PPM1G: variants seen among roughly 807,000 people sequenced by gnomAD.
PPM1G encodes the protein protein phosphatase 1G.
Under a neutral mutation model 59.4 loss-of-function variants are expected in PPM1G, and 12 were observed. The ratio of observed to expected loss-of-function variants is 0.20; its 90% CI spans 0.13 to 0.33. The LOEUF is 0.33. Among genes scored for constraint, PPM1G ranks in the 10% least tolerant of loss-of-function variants. The pLI is 1.00. For missense variants in PPM1G, 392 were observed against 681.3 expected (o/e 0.58, Z 4.73); for synonymous variants, 245 against 251.9 (o/e 0.97, Z 0.26).
intron 1 of PPM1G, chr2:27,392,692 T>C (rs768587420): frequency 1.4e-4 from 111 of 780,520 alleles, no homozygotes; most frequent in Non-Finnish European, 2.2e-4. Context: ...TTGGAACAAC[T>C]TATAGAAAAG....
At chr2:27,387,709 C>CACA (rs926455661) in intron 1 of PPM1G, among the ~76,000 whole-genome samples, 2 of 152,180 alleles carry the variant, frequency 1.3e-5, no homozygotes, top group African/African-American at 4.8e-5. Context: ...CCATGTTGGT[C>CACA]AGGCTGGTCT....
rs892661056 is a variant in PPM1G, at chr2:27,382,787, T to C, written c.1202-182A>G. ...ACCCTGCCACCAGACTGCTGAACCT[T>C]AAGAAAGTCACTCACTGGTCTTTTT... On this transcript the variant is annotated intron_variant, in intron 7 of 9. Transcript: ENST00000344034. The surrounding 1 kb of genome is among the most constrained non-coding windows in gnomAD (Gnocchi z 4.2). 1.3e-5 allele frequency among the ~76,000 whole-genome samples: 2 copies of C among 152,020 alleles called. No homozygotes were observed. The highest frequency in any genetic ancestry group is 2.9e-5 in the Non-Finnish European group (2 of 67,998).
Position 27,384,569 on chromosome 2 carries a change from ATGATGTCAAAAT to A in PPM1G, c.825+92_825+103del. On this transcript the variant is annotated intron_variant, in intron 5 of 9. Coordinates refer to ENST00000344034, the MANE Select transcript of PPM1G (RefSeq NM_177983.3). The surrounding 1 kb of genome is among the most constrained non-coding windows in gnomAD (Gnocchi z 4.8). ...CTTAGAATACAGTGGGTCTTGGGGG[ATGATGTCAAAAT>A]AGGAGAAGGAAAGAGAGTTGAAAAC... The A allele has an allele frequency of 7.5e-7, 1 of 1,338,104 alleles. No homozygotes were observed. The allele number at this position is 1,338,104 out of a possible 1,614,324, so 82.9% of individuals were successfully genotyped here.
At position 27,383,631 on chromosome 2, in the gene PPM1G, G is replaced by A. The variant is rs1158452520; in HGVS notation, c.967-31C>T. On this transcript the variant is annotated intron_variant, in intron 6 of 9. Transcript: ENST00000344034. This position sits in a 1 kb window ranked among gnomAD's most constrained non-coding sequence, Gnocchi z 5.0. ...GAGGAAGAAAAGGAGCATCATGGGG[G>A]CTTCTGAACATGCGTTCCTCACTGA... 6 of 1,573,748 alleles carry A rather than the reference G, an allele frequency of 3.8e-6. No individual in the cohort carries two copies. Among genetic ancestry groups the A allele is most frequent in the Non-Finnish European group, 5.2e-6 (6 of 1,155,246 alleles).
intron 1 of PPM1G, among the ~76,000 whole-genome samples, chr2:27,406,292 C>T (rs980386043): frequency 6.6e-6 from 1 of 152,034 alleles, no homozygotes. Flanking sequence ...TTTATATTTT[C>T]TGGAAAGATA....
At position 27,402,858 on chromosome 2, in the gene PPM1G, T is replaced by C. The variant is rs1026888732; in HGVS notation, c.120+6445A>G. On this transcript the variant is annotated intron_variant, in intron 1 of 9. Coordinates refer to ENST00000344034, the MANE Select transcript of PPM1G (RefSeq NM_177983.3). Reference sequence around the variant, plus strand: ...TAAATAAATAAATAAATAAATAAAATAAACATAAATAAAATTCCTCAGCCT... The same window carrying C: ...TAAATAAATAAATAAATAAATAAAACAAACATAAATAAAATTCCTCAGCCT... Among the ~76,000 whole-genome samples the C allele has an allele frequency of 2.1e-5, 3 of 142,562 alleles. 1 individual carries two copies. The highest frequency in any genetic ancestry group is 4.4e-4 in the South Asian group (2 of 4,560). 93.5% of individuals were successfully genotyped at this position (142,562 alleles called of 152,430 possible). A position where few individuals can be genotyped will look rare whatever the true frequency, so the allele number is the denominator to read the frequency against.
At position 27,382,587 on chromosome 2, in the gene PPM1G, C is replaced by T. The variant is rs750616199; in HGVS notation, c.1220G>A (p.Arg407Lys). The change falls in exon 8 of 10, where the codon AGA becomes AAA. Residue 407 changes from arginine to lysine, a missense_variant. Arg to Lys is a conservative substitution (Grantham distance 26). This residue lies in a region of PPM1G where 53 missense variants were observed against 175.4 expected (regional missense o/e 0.30). Coordinates refer to ENST00000344034, the MANE Select transcript of PPM1G (RefSeq NM_177983.3). This position sits in a 1 kb window ranked among gnomAD's most constrained non-coding sequence, Gnocchi z 4.2. ...TTCCTCAGGTGGCAGGTTCTTGTTTCTCTTATAGAAGTGGTCCCCTGGAGT... is the reference window on the plus strand; with the variant it reads ...TTCCTCAGGTGGCAGGTTCTTGTTTTTCTTATAGAAGTGGTCCCCTGGAGT... ...SRAIGDHFYK[R>K]NKNLPPEEQM... The T allele has an allele frequency of 1.7e-5, 28 of 1,614,080 alleles. No homozygotes were observed. Among genetic ancestry groups the T allele is most frequent in the Non-Finnish European group, 2.4e-5 (28 of 1,180,040 alleles).
Position 27,384,881 on chromosome 2 carries a change from G to T in PPM1G, c.617C>A (p.Pro206His). The change falls in exon 5 of 10, where the codon CCC (proline) becomes CAC (histidine). Residue 206 changes from proline (P) to histidine (H), a missense_variant. Pro to His is a moderately conservative substitution (Grantham distance 77, BLOSUM62 -2). Transcript: ENST00000344034. This position sits in a 1 kb window ranked among gnomAD's most constrained non-coding sequence, Gnocchi z 4.8. ...AAAGCCTGTGTAGGCCTTGGCTGTG[G>T]GGCCATTTTCTTGTGAAGGAGTTTC... The part of the protein sequence containing the change: ...TRETPSQENG[P>H]TAKAYTGFSS... The T allele has an allele frequency of 6.2e-7, 1 of 1,614,216 alleles. No individual in the cohort carries two copies. Among genetic ancestry groups the T allele is most frequent in the South Asian group, 1.1e-5 (1 of 91,090 alleles).
In PPM1G at chr2:27,409,539, T is replaced by G. The variant is rs1449543688; in HGVS notation, c.-117A>C. The G allele has an allele frequency of 7.8e-7, 1 of 1,280,088 alleles. No individual in the cohort carries two copies. Among genetic ancestry groups the G allele is most frequent in the Non-Finnish European group, 1.0e-6 (1 of 1,001,674 alleles). 79.3% of individuals were successfully genotyped at this position (1,280,088 alleles called of 1,614,324 possible). On this transcript the variant is annotated 5_prime_UTR_variant, in exon 1 of 10. Coordinates refer to ENST00000344034, the MANE Select transcript of PPM1G (RefSeq NM_177983.3). Reference sequence around the variant, plus strand: ...GCCCCGCGGCGCGACCGACGCAAGGTGCCGGTGAAAGGCGCGAGGCCGGCC... The same window carrying G: ...GCCCCGCGGCGCGACCGACGCAAGGGGCCGGTGAAAGGCGCGAGGCCGGCC...
chr2:27,409,361 G>T lies in PPM1G; in HGVS notation c.62C>A (p.Pro21Gln), dbSNP rs1017058281. The T allele has an allele frequency of 1.2e-5, 18 of 1,541,718 alleles. No individual in the cohort carries two copies. The highest frequency in any genetic ancestry group is 1.1e-4 in the African/African-American group (8 of 71,576). ...VKCSGDGVGAPRLPLPYGFSA... is the reference protein window; with the variant it reads ...VKCSGDGVGAQRLPLPYGFSA... ...GAAGCCGTAGGGCAGCGGCAGGCGC[G>T]GGGCGCCGACCCCGTCCCCGGAGCA... is the stretch of plus-strand genomic sequence containing the variant. The change falls in exon 1 of 10, where the codon CCG becomes CAG. Residue 21 changes from proline to glutamine, a missense_variant. Physicochemically the swap from Pro to Gln is moderately conservative, Grantham distance 76. Transcript: ENST00000344034.
Position 27,383,653 on chromosome 2 carries a change from C to G in PPM1G, c.967-53G>C. The G allele has an allele frequency of 6.7e-7, 1 of 1,500,246 alleles. No individual in the cohort carries two copies. Among genetic ancestry groups the G allele is most frequent in the South Asian group, 1.2e-5 (1 of 82,754 alleles). 92.9% of individuals were successfully genotyped at this position (1,500,246 alleles called of 1,614,324 possible). A position where few individuals can be genotyped will look rare whatever the true frequency, so the allele number is the denominator to read the frequency against. On this transcript the variant is annotated intron_variant, in intron 6 of 9. Coordinates refer to ENST00000344034, the MANE Select transcript of PPM1G (RefSeq NM_177983.3). This position sits in a 1 kb window ranked among gnomAD's most constrained non-coding sequence, Gnocchi z 5.0. ...GGGGCTTCTGAACATGCGTTCCTCA[C>G]TGATGTGCTCCTGATCGTTCACCTA...
Position 27,382,338 on chromosome 2 carries a change from G to T in PPM1G, c.1332-110C>A, listed in dbSNP as rs1683654203. On this transcript the variant is annotated intron_variant, in intron 8 of 9. Transcript: ENST00000344034. This position sits in a 1 kb window ranked among gnomAD's most constrained non-coding sequence, Gnocchi z 4.2. Reference sequence around the variant, plus strand: ...GTGTAAATAACTACAGAAATTCTCAGCTCTGCCTTAGTCTGGGTGCTCTTC... The same window carrying T: ...GTGTAAATAACTACAGAAATTCTCATCTCTGCCTTAGTCTGGGTGCTCTTC... 1 of 1,551,248 alleles carries T rather than the reference G, an allele frequency of 6.4e-7. No homozygotes were observed. The highest frequency in any genetic ancestry group is 1.7e-5 in the Admixed American group (1 of 58,336).
chr2:27,408,788 G>A lies in PPM1G; in HGVS notation c.120+515C>T, dbSNP rs967001092. ...CTGAAATTAACATGCAAGAGCCCAA[G>A]GCCAGGCAACCAAAATGTGAAACAG... On this transcript the variant is annotated intron_variant, in intron 1 of 9. Coordinates refer to ENST00000344034, the MANE Select transcript of PPM1G (RefSeq NM_177983.3). Among the ~76,000 whole-genome samples, 9 of 152,160 alleles carry A rather than the reference G, an allele frequency of 5.9e-5. No individual in the cohort carries two copies. The East Asian group carries it at 1.5e-3, about 26-fold the overall frequency.
At chr2:27,386,547 A>C (rs1226611588) in intron 2 of PPM1G, 4 of 255,464 alleles carry the variant, frequency 1.6e-5, no homozygotes, top group Non-Finnish European at 2.3e-5. Context: ...GAATCAGCTC[A>C]ACTGGGTACA....
intron 9 of PPM1G, 129 bp downstream of exon 9, chr2:27,381,997 T>C: frequency 9.4e-7 from 1 of 1,069,318 alleles, no homozygotes; most frequent in East Asian, 2.5e-5. Flanking sequence ...GGTGGAACTT[T>C]GGAGTCGGGG....
At chr2:27,395,656 AAC>A (rs1325567499) in intron 1 of PPM1G, among the ~76,000 whole-genome samples, 2 of 152,104 alleles carry the variant, frequency 1.3e-5, no homozygotes, top group Admixed American at 6.5e-5. Flanking sequence ...CAGCCTGGGT[AAC>A]ACTGTGAGAC....
intron 1 of PPM1G, among the ~76,000 whole-genome samples, chr2:27,400,170 G>A (rs1684149387): frequency 6.6e-6 from 1 of 150,462 alleles, no homozygotes; most frequent in South Asian, 2.1e-4. Context: ...GCCGAGGCAG[G>A]CGGATTGCCT....
chr2:27,390,793 G>A (rs1335682708), intron 1 of PPM1G, among the ~76,000 whole-genome samples: 1 of 152,094 alleles, frequency 6.6e-6, no homozygotes, highest in African/African-American at 2.4e-5. Context: ...TAGTTTTTCA[G>A]CTGTTCCTCT....
chr2:27,392,952 G>A (rs1377403402), intron 1 of PPM1G: 14 of 1,495,060 alleles, frequency 9.4e-6, no homozygotes, highest in Non-Finnish European at 1.3e-5. Context: ...CACACAAATG[G>A]GGGTCATTTT....
Sources: allele counts gnomAD v4.1 joint callset (sites outside exome capture counted in the v4.1 genomes callset), GRCh38; gene constraint gnomAD v4.1.1; regional missense constraint gnomAD v4.1.1; non-coding constraint Gnocchi (gnomAD v3.1); transcripts MANE v1.5; gene names NCBI Gene and HGNC (gene_info 2026-07-23, HGNC 2026-07-21).